TP53BP1: variants seen among roughly 807,000 people sequenced by gnomAD.
TP53BP1 encodes TP53-binding protein 1.
A neutral mutation model predicts 200.8 loss-of-function variants in TP53BP1; 61 were observed. The ratio of observed to expected loss-of-function variants is 0.30; its 90% CI spans 0.25 to 0.38. TP53BP1 has a LOEUF of 0.38. Among genes scored for constraint, TP53BP1 ranks in the 10% least tolerant of loss-of-function variants. The pLI is 1.00. For synonymous variants in TP53BP1, 822 were observed against 844.3 expected (o/e 0.97, Z 0.46); for missense variants, 2,144 against 2,371.9 (o/e 0.90, Z 2.00).
At chr15:43,436,895 C>T (rs2045811602) in intron 16 of TP53BP1, among the ~76,000 whole-genome samples, 1 of 151,862 alleles carries the variant, frequency 6.6e-6, no homozygotes, top group African/African-American at 2.4e-5. Flanking sequence ...AGCACAGTTG[C>T]TCATATCTGT....
chr15:43,414,129 C>G (rs1436138453), intron 23 of TP53BP1: 1 of 470,072 alleles, frequency 2.1e-6, no homozygotes, highest in Non-Finnish European at 4.4e-6. Context: ...AAAATAAAAC[C>G]AGGAGCAAGA....
At chr15:43,504,651 T>C (rs1306202436) in intron 1 of TP53BP1, among the ~76,000 whole-genome samples, 4 of 151,978 alleles carry the variant, frequency 2.6e-5, no homozygotes, top group East Asian at 3.9e-4. Context: ...CAAGGAAAAA[T>C]GAACAGCCTA....
intron 25 of TP53BP1, 38 bp downstream of exon 25, chr15:43,409,609 A>T (rs1158490355): frequency 2.6e-6 from 3 of 1,173,984 alleles, no homozygotes; most frequent in Non-Finnish European, 3.6e-6. Context: ...GGCTCTTATC[A>T]TTGCCACTAT....
chr15:43,451,263 C>A (rs967889255), intron 12 of TP53BP1, among the ~76,000 whole-genome samples: 1 of 151,896 alleles, frequency 6.6e-6, no homozygotes, highest in African/African-American at 2.4e-5. Context: ...ATACATGTGC[C>A]ATGCTGGTGT....
chr15:43,490,359 A>T (rs1176719681), intron 4 of TP53BP1, among the ~76,000 whole-genome samples: 1 of 151,726 alleles, frequency 6.6e-6, no homozygotes, highest in African/African-American at 2.4e-5. Flanking sequence ...AAGTGCTGGG[A>T]TTACAGGTGT....
At chr15:43,476,958 A>C (rs1444536904) in intron 8 of TP53BP1, among the ~76,000 whole-genome samples, 1 of 152,218 alleles carries the variant, frequency 6.6e-6, no homozygotes, top group Non-Finnish European at 1.5e-5. Flanking sequence ...AATATGAAAA[A>C]CCTAGGCTTA....
At chr15:43,427,411 AATAC>A (rs1304796711) in intron 18 of TP53BP1, among the ~76,000 whole-genome samples, 1 of 152,234 alleles carries the variant, frequency 6.6e-6, no homozygotes, top group Non-Finnish European at 1.5e-5. Context: ...GATTTAAAAT[AATAC>A]ATACAATCTT....
chr15:43,477,905 T>A (rs1394029349), intron 7 of TP53BP1, 146 bp from the exon 8 acceptor site: 4 of 602,928 alleles, frequency 6.6e-6, no homozygotes, highest in Non-Finnish European at 1.1e-5. Flanking sequence ...AAAAAGGAAA[T>A]AAACTACTCT....
In TP53BP1 at chr15:43,489,892, T is replaced by A. The variant is rs902660004; in HGVS notation, c.371+1777A>T. On this transcript the variant is annotated intron_variant, in intron 4 of 27. Transcript: ENST00000382044. ...AAAAAAATTACGTACAGACACAGAG[T>A]GTAAAATAAAACACACCTCCAAAAA... 5.9e-4 allele frequency among the ~76,000 whole-genome samples: 89 copies of A among 151,714 alleles called. 1 individual carries two copies. The highest frequency in any genetic ancestry group is 1.5e-4 in the Non-Finnish European group (10 of 67,950).
In TP53BP1 at chr15:43,428,058, C is replaced by T; in HGVS notation, c.3786G>A (p.Val1262=). The change falls in exon 18 of 28, where the codon GTG becomes GTA. Residue 1262 remains valine, a synonymous_variant. Transcript: ENST00000382044. ...RTLVTRVITD[V]YYVDGTEVER... The stretch of plus-strand genomic sequence containing the variant: ...CTACTTCTGTTCCATCCACATAATA[C>T]ACATCTGTAATGACACGAGTGACAA... 3 of 1,612,704 alleles carry T rather than the reference C, an allele frequency of 1.9e-6. No individual in the cohort carries two copies. The highest frequency in any genetic ancestry group is 2.5e-6 in the Non-Finnish European group (3 of 1,178,966).
Position 43,406,549 on chromosome 15 carries a change from T to G in TP53BP1, c.*834A>C. On this transcript the variant is annotated 3_prime_UTR_variant, in exon 28 of 28. Transcript: ENST00000382044. The stretch of plus-strand genomic sequence containing the variant: ...TCACAGCAAAGGCGAGTAGTTGTGA[T>G]GGATCAAATGGCCCACAAAGCCTGA... 3 of 455,666 alleles carry G rather than the reference T, an allele frequency of 6.6e-6. No individual in the cohort carries two copies. Among genetic ancestry groups the G allele is most frequent in the South Asian group, 4.7e-5 (3 of 64,480 alleles). 28.2% of individuals were successfully genotyped at this position (455,666 alleles called of 1,614,324 possible).
intron 6 of TP53BP1, 99 bp from the exon 7 acceptor site, chr15:43,479,625 G>T: frequency 7.3e-7 from 1 of 1,364,912 alleles, no homozygotes; most frequent in Non-Finnish European, 1.0e-6. Context: ...TTTAACAGAA[G>T]TCCAATTTAA....
At chr15:43,490,141 G>C (rs1309363824) in intron 4 of TP53BP1, among the ~76,000 whole-genome samples, 2 of 151,898 alleles carry the variant, frequency 1.3e-5, no homozygotes, top group Admixed American at 6.6e-5. Flanking sequence ...CCAGGCTAGA[G>C]TGCAGTGGCA....
At chr15:43,499,747 C>T (rs1274987910) in intron 1 of TP53BP1, among the ~76,000 whole-genome samples, 1 of 152,176 alleles carries the variant, frequency 6.6e-6, no homozygotes, top group African/African-American at 2.4e-5. Context: ...AACTCAGGTT[C>T]ATTTATTAAT....
rs917720125 is a variant in TP53BP1 at position 43,456,707 on chromosome 15, G to C, written c.1901C>G (p.Pro634Arg). The C allele has an allele frequency of 1.2e-6, 2 of 1,614,042 alleles. No individual in the cohort carries two copies. The highest frequency in any genetic ancestry group is 1.7e-6 in the Non-Finnish European group (2 of 1,180,014). ...TGCCTCAGATCGAGTAGCTGGTGAC[G>C]GAACTGCCTGACTCCCCGAATCACA... The part of the protein sequence containing the change: ...LTCDSGSQAV[P>R]SPATRSEALS... Residue 634 changes from proline to arginine, a missense_variant, in exon 12 of 28, where the codon CCG becomes CGG. Coordinates refer to ENST00000382044, the MANE Select transcript of TP53BP1 (RefSeq NM_001141980.3).
chr15:43,431,216 T>G (rs2045661341), intron 17 of TP53BP1, among the ~76,000 whole-genome samples: 1 of 152,092 alleles, frequency 6.6e-6, no homozygotes, highest in Non-Finnish European at 1.5e-5. Context: ...AATTTTCCAT[T>G]TAGTATTTCT....
At chr15:43,479,245 A>C in intron 7 of TP53BP1, 152 bp downstream of exon 7, 2 of 736,284 alleles carry the variant, frequency 2.7e-6, no homozygotes, top group East Asian at 6.3e-5. Flanking sequence ...TTCATAAATA[A>C]TCAACGTTTC....
At chr15:43,440,799 G>C (rs1161370519) in intron 15 of TP53BP1, among the ~76,000 whole-genome samples, 6 of 152,034 alleles carry the variant, frequency 3.9e-5, no homozygotes, top group Non-Finnish European at 8.8e-5. Context: ...TGAGGCAGGA[G>C]GATAGCTGGA....
At chr15:43,500,012 T>C (rs987030070) in intron 1 of TP53BP1, among the ~76,000 whole-genome samples, 1 of 152,230 alleles carries the variant, frequency 6.6e-6, no homozygotes, top group Non-Finnish European at 1.5e-5. Context: ...AAGTTCTATT[T>C]ACTCTCACTC....
Sources: allele counts gnomAD v4.1 joint callset (sites outside exome capture counted in the v4.1 genomes callset), GRCh38; gene constraint gnomAD v4.1.1; transcripts MANE v1.5; gene names NCBI Gene and HGNC (gene_info 2026-07-23, HGNC 2026-07-21).